RRP36: variants seen among roughly 807,000 people sequenced by gnomAD.
RRP36 encodes the protein ribosomal RNA processing 36.
Under a neutral mutation model 39.8 loss-of-function variants are expected in RRP36, and 44 were observed. The observed-to-expected ratio is 1.10, with a 90% CI of 0.87 to 1.42. The LOEUF (loss-of-function observed/expected upper bound fraction) is 1.42, where lower values mean the gene tolerates loss of function less well. Ranked by LOEUF, RRP36 falls within the 40% of genes most tolerant of loss-of-function variation. The probability of loss-of-function intolerance (pLI) is 0.00; values close to 1 mark genes in which losing one functional copy is unlikely to be tolerated. For synonymous variants in RRP36, 124 were observed against 123.1 expected, an observed-to-expected ratio of 1.01 and a Z score of -0.05; for missense variants, 316 against 322.4, an observed-to-expected ratio of 0.98 and a Z score of 0.15.
At chr6:43,027,997 A>G (rs1010137824) in intron 6 of RRP36, among the ~76,000 whole-genome samples, 19 of 152,132 alleles carry the variant, frequency 1.2e-4, no homozygotes, top group African/African-American at 4.6e-4. Flanking sequence ...AGGTGTTCAT[A>G]GTTGGTTGAA....
At chr6:43,025,997 T>A (rs1762807019) in intron 3 of RRP36, 40 bp from the exon 4 acceptor site, 2 of 1,450,760 alleles carry the variant, frequency 1.4e-6, no homozygotes, top group Admixed American at 3.5e-5. Flanking sequence ...GAAAGGAGAT[T>A]GAACAGTTGT....
At chr6:43,027,770 C>T (rs1275678456) in intron 6 of RRP36, among the ~76,000 whole-genome samples, 3 of 117,102 alleles carry the variant, frequency 2.6e-5, no homozygotes, top group Admixed American at 9.2e-5. Flanking sequence ...ACTACACACA[C>T]ACACACACAC....
At position 43,027,226 on chromosome 6, in the gene RRP36, A is replaced by G; in HGVS notation, c.499A>G (p.Lys167Glu). 6.2e-7 allele frequency: 1 copy of G among 1,614,272 alleles called. No homozygotes were observed. Among genetic ancestry groups the G allele is most frequent in the Non-Finnish European group, 8.5e-7 (1 of 1,180,044 alleles). Residue 167 changes from lysine (K) to glutamate (E), a missense_variant, in exon 5 of 7, where the codon AAA becomes GAA. Physicochemically the swap from Lys to Glu is moderately conservative, Grantham distance 56 (BLOSUM62 1). Coordinates refer to ENST00000244496, the MANE Select transcript of RRP36 (RefSeq NM_033112.4). Reference sequence around the variant, plus strand: ...GCACCTTTCAGGAGAGGAGCATGAGAAACTGCAGCAACTGCTTCAGCGAAT... The same window carrying G: ...GCACCTTTCAGGAGAGGAGCATGAGGAACTGCAGCAACTGCTTCAGCGAAT... ...KKHLSGEEHE[K>E]LQQLLQRMEQ...
At chr6:43,021,835 G>A (rs1762719565) in intron 1 of RRP36, 51 bp downstream of exon 1, 3 of 1,189,896 alleles carry the variant, frequency 2.5e-6, no homozygotes, top group Non-Finnish European at 3.1e-6. Context: ...ATTCCCAGGC[G>A]GGGCCCTGAG....
At chr6:43,027,717 C>A (rs537474914) in intron 6 of RRP36, among the ~76,000 whole-genome samples, 1 of 129,990 alleles carries the variant, frequency 7.7e-6, no homozygotes, top group East Asian at 2.2e-4. Context: ...TCCCAACCCC[C>A]CCCCCCCAAC....
In RRP36 at chr6:43,026,195, C is replaced by T; in HGVS notation, c.450+54C>T. On this transcript the variant is annotated intron_variant, in intron 4 of 6. Transcript: ENST00000244496. ...AATTTTGTGGGGTGGAAAATGAGGGCACAGGTTAGAGAGTTGGGCAGGGGG... is the reference window on the plus strand; with the variant it reads ...AATTTTGTGGGGTGGAAAATGAGGGTACAGGTTAGAGAGTTGGGCAGGGGG... 3.0e-6 allele frequency: 4 copies of T among 1,319,614 alleles called. No homozygotes were observed. In the South Asian group the frequency reaches 4.7e-5, roughly 16 times the overall value. The allele number at this position is 1,319,614 out of a possible 1,614,324, so 81.7% of individuals were successfully genotyped here.
At position 43,027,261 on chromosome 6, in the gene RRP36, G is replaced by T. The variant is rs573291433; in HGVS notation, c.525+9G>T. 9.3e-5 allele frequency: 150 copies of T among 1,613,868 alleles called. No individual in the cohort carries two copies. In the South Asian group the frequency reaches 1.6e-3, roughly 17 times the overall value. ...AACTGCTTCAGCGAATGGTGAGTGG[G>T]TAATAATTGTGGTGGGTAATGAAAG... On this transcript the variant is annotated intron_variant, in intron 5 of 6. Transcript: ENST00000244496.
At chr6:43,027,059 A>T (rs1225991376) in intron 4 of RRP36, 119 bp from the exon 5 acceptor site, 1 of 826,810 alleles carries the variant, frequency 1.2e-6, no homozygotes, top group African/African-American at 1.7e-5. Flanking sequence ...GCAAGACTGC[A>T]TCTCAAAAAA....
At chr6:43,024,740 GAA>G (rs1762780418) in intron 1 of RRP36, among the ~76,000 whole-genome samples, 1 of 152,198 alleles carries the variant, frequency 6.6e-6, no homozygotes, top group Non-Finnish European at 1.5e-5. Flanking sequence ...AAGAGAAAAA[GAA>G]GGGACTATGG....
intron 1 of RRP36, among the ~76,000 whole-genome samples, chr6:43,024,308 G>T (rs1330248971): frequency 6.6e-6 from 1 of 152,074 alleles, no homozygotes; most frequent in Non-Finnish European, 1.5e-5. Context: ...AACTGAGGTG[G>T]GAATATGCTG....
chr6:43,022,724 C>G (rs1762747609), intron 1 of RRP36, among the ~76,000 whole-genome samples: 1 of 151,364 alleles, frequency 6.6e-6, no homozygotes, highest in Non-Finnish European at 1.5e-5. Context: ...GCTCCGCCTC[C>G]CGTGTTTACG....
intron 6 of RRP36, 89 bp from the exon 7 acceptor site, chr6:43,029,003 G>A: frequency 6.5e-7 from 1 of 1,534,498 alleles, no homozygotes; most frequent in East Asian, 2.3e-5. Context: ...CATGTATCCA[G>A]CATAATGGCT....
At chr6:43,025,622 CAAAAAAAAAA>C (rs1219326852) in intron 3 of RRP36, among the ~76,000 whole-genome samples, 17 of 63,696 alleles carry the variant, frequency 2.7e-4, no homozygotes, top group Non-Finnish European at 5.0e-4. Flanking sequence ...GACTCTGTCT[CAAAAAAAAAA>C]AAAAAAAAAA....
Position 43,024,969 on chromosome 6 carries a change from C to G in RRP36, c.131-16C>G. ...ACATGCTGAGCTGAGTTGTATGTCCCTCCCCACTTCCACAGGCACATCTAA... is the reference window on the plus strand; with the variant it reads ...ACATGCTGAGCTGAGTTGTATGTCCGTCCCCACTTCCACAGGCACATCTAA... On this transcript the variant is annotated splice_polypyrimidine_tract_variant and intron_variant, in intron 1 of 6. Coordinates refer to ENST00000244496, the MANE Select transcript of RRP36 (RefSeq NM_033112.4). 1 of 1,613,012 alleles carries G rather than the reference C, an allele frequency of 6.2e-7. No homozygotes were observed. Among genetic ancestry groups the G allele is most frequent in the South Asian group, 1.1e-5 (1 of 91,054 alleles).
chr6:43,024,846 C>T (rs1762782399), intron 1 of RRP36, 139 bp from the exon 2 acceptor site: 1 of 1,034,462 alleles, frequency 9.7e-7, no homozygotes, highest in Admixed American at 2.5e-5. Flanking sequence ...CTATCACAGC[C>T]TCTGCTGCCT....
intron 4 of RRP36, 86 bp from the exon 5 acceptor site, chr6:43,027,092 G>T: frequency 8.3e-7 from 1 of 1,208,372 alleles, no homozygotes; most frequent in Non-Finnish European, 1.2e-6. Context: ...GTGTATGTGT[G>T]TGAACTTCTT....
At chr6:43,029,022 C>A (rs1581889025) in intron 6 of RRP36, 70 bp from the exon 7 acceptor site, 4 of 1,590,644 alleles carry the variant, frequency 2.5e-6, no homozygotes, top group Non-Finnish European at 2.6e-6. Flanking sequence ...CTTGGAGTTA[C>A]TGACCTGGTT....
chr6:43,028,352 A>C (rs982720787), intron 6 of RRP36, among the ~76,000 whole-genome samples: 29 of 151,218 alleles, frequency 1.9e-4, no homozygotes, highest in Non-Finnish European at 3.2e-4. Context: ...AACAAACAAA[A>C]AAAAGTCACC....
In RRP36 at chr6:43,023,406, ATAAAAT is replaced by A. The variant is rs377098785; in HGVS notation, c.131-1577_131-1572del. Among the ~76,000 whole-genome samples, 41 of 152,018 alleles carry A rather than the reference ATAAAAT, an allele frequency of 2.7e-4. No individual in the cohort carries two copies. In the East Asian group the frequency reaches 5.3e-3, roughly 19 times the overall value. On this transcript the variant is annotated intron_variant, in intron 1 of 6. Transcript: ENST00000244496. The stretch of plus-strand genomic sequence containing the variant: ...AGAGCAAGACCTTTTTTCAAAATAA[ATAAAAT>A]TTAAGTCCAGGTGTGGCTCATGCCT...
Sources: gnomAD v4.1 joint callset for allele counts (sites outside exome capture counted in the v4.1 genomes callset) on GRCh38, gnomAD v4.1.1 for gene constraint, MANE v1.5 for transcripts, NCBI Gene and HGNC (gene_info 2026-07-23, HGNC 2026-07-21) for gene names.